Variants in PVT1 observed in about 807,000 individuals in gnomAD.
The protein encoded by PVT1 is CXCR4/PVT1 fusion.
At chr8:127,899,895 A>G (rs1229651662) in intron 3 of PVT1, among the ~76,000 whole-genome samples, 1 of 152,160 alleles carries the variant, frequency 6.6e-6, no homozygotes, top group Non-Finnish European at 1.5e-5. Flanking sequence ...TAGTGTGAAT[A>G]TCTAGCTCTG....
chr8:127,920,506 T>G (rs1816043317), intron 3 of PVT1, among the ~76,000 whole-genome samples: 1 of 152,226 alleles, frequency 6.6e-6, no homozygotes, highest in South Asian at 2.1e-4. Flanking sequence ...CTAAAGTGAT[T>G]ATGAGCATTA....
At chr8:127,820,846 T>C (rs1284374029) in intron 2 of PVT1, among the ~76,000 whole-genome samples, 1 of 152,122 alleles carries the variant, frequency 6.6e-6, no homozygotes, top group Non-Finnish European at 1.5e-5. Context: ...AGTAGCTGGA[T>C]TACAGACATG....
chr8:127,812,321 C>A (rs1393550649), intron 2 of PVT1, among the ~76,000 whole-genome samples: 1 of 145,500 alleles, frequency 6.9e-6, no homozygotes, highest in South Asian at 2.2e-4. Context: ...GTAGCTCTTG[C>A]CTGTTGTAGT....
At chr8:127,886,970 A>G (rs1389877335) in intron 2 of PVT1, among the ~76,000 whole-genome samples, 1 of 152,168 alleles carries the variant, frequency 6.6e-6, no homozygotes, top group Non-Finnish European at 1.5e-5. Flanking sequence ...TTGTTTCAGT[A>G]GGTAGTTAAT....
intron 2 of PVT1, among the ~76,000 whole-genome samples, chr8:127,881,888 C>T (rs1218063036): frequency 6.6e-6 from 1 of 152,092 alleles, no homozygotes; most frequent in Non-Finnish European, 1.5e-5. Context: ...ACTACAGGTG[C>T]GCCACCACTG....
At chr8:127,944,030 A>G (rs1021255962) in intron 3 of PVT1, among the ~76,000 whole-genome samples, 20 of 152,204 alleles carry the variant, frequency 1.3e-4, no homozygotes, top group African/African-American at 4.8e-4. Context: ...AATAGGGGTT[A>G]TATTTATGAA....
At chr8:128,071,101 T>C (rs115609955) in intron 5 of PVT1, among the ~76,000 whole-genome samples, 1,830 of 152,282 alleles carry the variant, frequency 0.012, 38 homozygotes, top group African/African-American at 0.04. Context: ...CCAGCTCATT[T>C]TGGAAACGGC....
At position 128,025,601 on chromosome 8, in the gene PVT1, T is replaced by A. The variant is rs78703662; in HGVS notation, n.912+36310T>A. On this transcript the variant is annotated intron_variant and non_coding_transcript_variant, in intron 4 of 10. Coordinates refer to ENST00000651587, the Ensembl canonical transcript of PVT1. The stretch of plus-strand genomic sequence containing the variant: ...GCCATACTGCCTGCCTTTGATTAGA[T>A]GTTAGGGAAGATTTAAATTCGTGCA... Among the ~76,000 whole-genome samples the A allele has an allele frequency of 4.8e-3, 734 of 152,338 alleles. 7 individuals are homozygous for A. The highest frequency in any genetic ancestry group is 0.016 in the African/African-American group (648 of 41,576).
At chr8:127,994,238 T>C (rs1465592712) in intron 4 of PVT1, among the ~76,000 whole-genome samples, 2 of 152,200 alleles carry the variant, frequency 1.3e-5, no homozygotes, top group East Asian at 1.9e-4. Flanking sequence ...ACAGTGCCTC[T>C]TGTGGGACGG....
chr8:127,824,834 A>T (rs1814768952), intron 2 of PVT1, among the ~76,000 whole-genome samples: 1 of 152,104 alleles, frequency 6.6e-6, no homozygotes, highest in South Asian at 2.1e-4. Context: ...AGAATATTTA[A>T]TGTGGCCGGG....
At chr8:128,076,774 A>T (rs1814096341) in intron 5 of PVT1, among the ~76,000 whole-genome samples, 2 of 152,196 alleles carry the variant, frequency 1.3e-5, no homozygotes, top group Non-Finnish European at 2.9e-5. Flanking sequence ...AGGTCATCTC[A>T]TGAACTGATG....
rs1814626832 is a variant in PVT1 at position 127,813,693 on chromosome 8, G to C, written n.372+17622G>C. Among the ~76,000 whole-genome samples the C allele has an allele frequency of 2.0e-5, 3 of 152,112 alleles. No individual in the cohort carries two copies. In the South Asian group the frequency reaches 6.2e-4, roughly 31 times the overall value. On this transcript the variant is annotated intron_variant and non_coding_transcript_variant, in intron 2 of 10. Coordinates refer to ENST00000651587, the Ensembl canonical transcript of PVT1. ...GAATACAAATGGTCCCTGTGTGTTT[G>C]GGTATTCAAGAAAATTAAGTGAGTT...
chr8:128,014,245 C>T (rs766219760), intron 4 of PVT1, among the ~76,000 whole-genome samples: 4 of 152,172 alleles, frequency 2.6e-5, no homozygotes, highest in African/African-American at 7.2e-5. Context: ...GCCAGACAGA[C>T]GACATAGCTT....
intron 4 of PVT1, among the ~76,000 whole-genome samples, chr8:128,043,607 C>T (rs942633342): frequency 2.6e-5 from 4 of 152,126 alleles, no homozygotes; most frequent in African/African-American, 7.2e-5. Flanking sequence ...CTGTCTCTGG[C>T]TCTGTGGACT....
intron 4 of PVT1, among the ~76,000 whole-genome samples, chr8:128,062,668 C>T (rs1586503705): frequency 6.6e-6 from 1 of 152,030 alleles, no homozygotes; most frequent in African/African-American, 2.4e-5. Flanking sequence ...ATAAAAACAC[C>T]ATTACTTGGG....
chr8:128,047,253 G>A (rs1378652446), intron 4 of PVT1, among the ~76,000 whole-genome samples: 1 of 152,188 alleles, frequency 6.6e-6, no homozygotes, highest in Non-Finnish European at 1.5e-5. Flanking sequence ...AGAAGAAAAG[G>A]AAAGCTGACA....
intron 2 of PVT1, among the ~76,000 whole-genome samples, chr8:127,866,560 G>A (rs1815288341): frequency 6.6e-6 from 1 of 152,152 alleles, no homozygotes; most frequent in South Asian, 2.1e-4. Flanking sequence ...ATCTAATAGA[G>A]ACAGGAGTGG....
intron 3 of PVT1, among the ~76,000 whole-genome samples, chr8:127,925,046 G>T (rs1816112489): frequency 6.6e-6 from 1 of 152,154 alleles, no homozygotes; most frequent in South Asian, 2.1e-4. Flanking sequence ...GTTTTTATTA[G>T]CAGTCACCTC....
chr8:127,968,096 T>C (rs575799303), intron 3 of PVT1, among the ~76,000 whole-genome samples: 19 of 152,350 alleles, frequency 1.2e-4, no homozygotes, highest in African/African-American at 4.6e-4. Flanking sequence ...TCTGCCTGGC[T>C]GACTCCATAC....
Sources: allele counts gnomAD v4.1 joint callset (sites outside exome capture counted in the v4.1 genomes callset), GRCh38; gene constraint gnomAD v4.1.1; transcripts MANE v1.5; gene names NCBI Gene and HGNC (gene_info 2026-07-23, HGNC 2026-07-21).